EML4: variants seen among roughly 807,000 people sequenced by gnomAD.
The protein encoded by EML4 is EMAP like 4.
A neutral mutation model predicts 129.0 loss-of-function variants in EML4; 72 were observed. The ratio of observed to expected loss-of-function variants is 0.56; its 90% CI spans 0.46 to 0.68. The LOEUF (loss-of-function observed/expected upper bound fraction) is 0.68. Among genes scored for constraint, EML4 ranks in the 30% least tolerant of loss-of-function variants. EML4 has a pLI of 0.00. For synonymous variants in EML4, 532 were observed against 405.0 expected, an observed-to-expected ratio of 1.31 and a Z score of -3.77; for missense variants, 1,363 against 1,190.6, an observed-to-expected ratio of 1.14 and a Z score of -2.13.
intron 1 of EML4, among the ~76,000 whole-genome samples, chr2:42,226,124 A>G (rs911000985): frequency 6.6e-6 from 1 of 151,944 alleles, no homozygotes; most frequent in Non-Finnish European, 1.5e-5. Context: ...TAAGTGGACT[A>G]GAAAAATAGT....
chr2:42,282,604 A>G (rs1042168228), intron 7 of EML4, among the ~76,000 whole-genome samples: 1 of 151,958 alleles, frequency 6.6e-6, no homozygotes, highest in East Asian at 1.9e-4. Context: ...TATTGCCCGC[A>G]CTACTCTCAA....
intron 7 of EML4, among the ~76,000 whole-genome samples, chr2:42,282,524 G>A (rs1035044753): frequency 6.6e-6 from 1 of 152,106 alleles, no homozygotes; most frequent in African/African-American, 2.4e-5. Context: ...CTCCCAAGTA[G>A]CTGGAACTAC....
chr2:42,263,272 A>C lies in EML4; in HGVS notation c.607A>C (p.Lys203Gln), dbSNP rs200273713. 56 of 1,612,864 alleles carry C rather than the reference A, an allele frequency of 3.5e-5. No homozygotes were observed. The Admixed American group carries it at 8.7e-4, about 25-fold the overall frequency. ...ATTGTCGAAAATACCTTCAACACCC[A>C]AATTAATACCAAAAGTTACCAAAAC... ...NKLSKIPSTP[K>Q]LIPKVTKTAD... The change falls in exon 5 of 23, where the codon AAA (lysine) becomes CAA (glutamine). Residue 203 changes from lysine to glutamine, a missense_variant. Transcript: ENST00000318522.
At chr2:42,325,616 A>ATATGCTATGAT (rs1669764184) in intron 20 of EML4, 62 bp downstream of exon 20, 1 of 80,570 alleles carries the variant, frequency 1.2e-5, no homozygotes, top group Non-Finnish European at 1.8e-5. Flanking sequence ...ATATATATAT[A>ATATGCTATGAT]TATATATATA....
At chr2:42,260,415 C>T (rs539731657) in intron 3 of EML4, among the ~76,000 whole-genome samples, 12 of 152,170 alleles carry the variant, frequency 7.9e-5, no homozygotes, top group Non-Finnish European at 1.5e-4. Context: ...TGATACTTGC[C>T]TCGCCCTCCC....
At chr2:42,262,032 T>G (rs1665769619) in intron 4 of EML4, among the ~76,000 whole-genome samples, 1 of 152,092 alleles carries the variant, frequency 6.6e-6, no homozygotes, top group African/African-American at 2.4e-5. Context: ...TAGAAATGCT[T>G]ATTCAAGCCT....
intron 1 of EML4, among the ~76,000 whole-genome samples, chr2:42,212,288 A>G (rs891990303): frequency 9.8e-5 from 15 of 152,300 alleles, no homozygotes; most frequent in South Asian, 8.3e-4. Flanking sequence ...AAAAATTTCT[A>G]ATTTGTATTT....
chr2:42,260,771 A>G (rs993077541), intron 3 of EML4, among the ~76,000 whole-genome samples: 1 of 152,322 alleles, frequency 6.6e-6, no homozygotes, highest in Non-Finnish European at 1.5e-5. Context: ...ATCAGTCGGT[A>G]TGCTTTACAC....
chr2:42,222,975 C>T (rs1245367057), intron 1 of EML4, among the ~76,000 whole-genome samples: 1 of 151,844 alleles, frequency 6.6e-6, no homozygotes, highest in East Asian at 1.9e-4. Flanking sequence ...ATTTTTTTGT[C>T]TTTTTAGTAG....
At chr2:42,257,941 C>G (rs1196397479) in intron 3 of EML4, among the ~76,000 whole-genome samples, 1 of 152,108 alleles carries the variant, frequency 6.6e-6, no homozygotes, top group African/African-American at 2.4e-5. Context: ...TACCTGTACT[C>G]CACTTTGAGT....
intron 1 of EML4, among the ~76,000 whole-genome samples, chr2:42,181,132 A>G (rs899059808): frequency 5.9e-5 from 9 of 152,122 alleles, no homozygotes; most frequent in Non-Finnish European, 1.3e-4. Flanking sequence ...CAATTTTACA[A>G]TTTTAGTAAT....
At chr2:42,309,675 T>C (rs1176759833) in intron 17 of EML4, among the ~76,000 whole-genome samples, 1 of 152,194 alleles carries the variant, frequency 6.6e-6, no homozygotes, top group Non-Finnish European at 1.5e-5. Flanking sequence ...CAAGTACTTA[T>C]TGGCCACTTG....
At chr2:42,272,290 C>G (rs1241146474) in intron 6 of EML4, among the ~76,000 whole-genome samples, 1 of 152,136 alleles carries the variant, frequency 6.6e-6, no homozygotes, top group African/African-American at 2.4e-5. Flanking sequence ...CGTCCCTGAA[C>G]TACACTCACA....
chr2:42,225,335 C>G (rs1258442334), intron 1 of EML4, among the ~76,000 whole-genome samples: 2 of 152,070 alleles, frequency 1.3e-5, no homozygotes, highest in Non-Finnish European at 2.9e-5. Context: ...CCACTGTTTT[C>G]TATGGTGGCT....
At chr2:42,175,879 C>G (rs1371595872) in intron 1 of EML4, among the ~76,000 whole-genome samples, 2 of 152,148 alleles carry the variant, frequency 1.3e-5, no homozygotes, top group African/African-American at 2.4e-5. Context: ...TTGTATGCAG[C>G]TGATGTTAAC....
intron 7 of EML4, 81 bp from the exon 8 acceptor site, chr2:42,282,742 A>G (rs755042342): frequency 8.1e-7 from 1 of 1,240,568 alleles, no homozygotes; most frequent in Non-Finnish European, 1.2e-6. Context: ...GTACCTTCCT[A>G]ATTCCTTAAG....
rs144118196 is a variant in EML4, at chr2:42,259,115, C to T, written c.339-2006C>T. 8.7e-3 allele frequency among the ~76,000 whole-genome samples: 1,317 copies of T among 152,006 alleles called. 10 individuals are homozygous for T. Among genetic ancestry groups the T allele is most frequent in the African/African-American group, 0.03 (1,260 of 41,440 alleles). On this transcript the variant is annotated intron_variant, in intron 3 of 22. Transcript: ENST00000318522. ...TGTAAAAATTAGCTGGGTGTGGTGG[C>T]GGGCGCCTGTAATCTCAGCTGCTGG...
chr2:42,209,282 T>G (rs549567917), intron 1 of EML4, among the ~76,000 whole-genome samples: 4 of 152,160 alleles, frequency 2.6e-5, no homozygotes, highest in African/African-American at 9.7e-5. Flanking sequence ...AAAGCAGAAG[T>G]GTACTTTAAC....
chr2:42,288,059 G>C (rs1037218084), intron 10 of EML4, among the ~76,000 whole-genome samples, 168 bp from the exon 11 acceptor site: 1 of 152,106 alleles, frequency 6.6e-6, no homozygotes, highest in Non-Finnish European at 1.5e-5. Flanking sequence ...TATTTTTGAG[G>C]AAAATACAAT....
Sources: gnomAD v4.1 joint callset for allele counts (sites outside exome capture counted in the v4.1 genomes callset) on GRCh38, gnomAD v4.1.1 for gene constraint, MANE v1.5 for transcripts, NCBI Gene and HGNC (gene_info 2026-07-23, HGNC 2026-07-21) for gene names.